Variants in ZCCHC8 observed in about 807,000 individuals in gnomAD.
The protein encoded by ZCCHC8 is zinc finger CCHC-type containing 8, also known as zinc finger CCHC domain-containing protein 8.
Under a neutral mutation model 70.6 loss-of-function variants are expected in ZCCHC8, and 27 were observed. That is an observed-to-expected ratio of 0.38 (90% CI 0.28 to 0.53). The LOEUF (loss-of-function observed/expected upper bound fraction) is 0.53. Ranked by LOEUF, ZCCHC8 falls within the 20% of genes least tolerant of loss-of-function variation. The probability of loss-of-function intolerance (pLI) is 0.81; values close to 1 mark genes in which losing one functional copy is unlikely to be tolerated. For synonymous variants in ZCCHC8, 293 were observed against 317.4 expected (o/e 0.92, Z 0.82); for missense variants, 737 against 876.9 (o/e 0.84, Z 2.01).
In ZCCHC8 at chr12:122,492,711, T is replaced by C. The variant is rs1566302280; in HGVS notation, c.317+4A>G. On this transcript the variant is annotated splice_donor_region_variant and intron_variant, in intron 3 of 13. Transcript: ENST00000633063. Reference sequence around the variant, plus strand: ...ATATTTAGGAAAGGGAAAAAATTACTTACTTTGAAATAGCATTGTTCATGA... The same window carrying C: ...ATATTTAGGAAAGGGAAAAAATTACCTACTTTGAAATAGCATTGTTCATGA... The C allele has an allele frequency of 1.3e-6, 2 of 1,515,184 alleles. No individual in the cohort carries two copies. Among genetic ancestry groups the C allele is most frequent in the Non-Finnish European group, 1.8e-6 (2 of 1,117,846 alleles). The allele number at this position is 1,515,184 out of a possible 1,614,324, so 93.9% of individuals were successfully genotyped here.
Position 122,483,518 on chromosome 12 carries a change from AT to A in ZCCHC8, c.546del (p.Lys182AsnfsTer7). 6.3e-7 allele frequency: 1 copy of A among 1,594,414 alleles called. No homozygotes were observed. Among genetic ancestry groups the A allele is most frequent in the South Asian group, 1.1e-5 (1 of 87,714 alleles). ...TTTTCATTTAGAAGCGGTTGCCCCA[AT>A]TTATCAAGGCAAAAATTAGTAAAAT... Reference protein sequence around the residue: ...VLYFTNFCLDKLGQPLLNENP... With the variant: ...VLYFTNFCLDXLGQPLLNENP... On this transcript the variant is annotated frameshift_variant, in exon 6 of 14. Coordinates refer to ENST00000633063, the MANE Select transcript of ZCCHC8 (RefSeq NM_017612.5). LOFTEE classifies it high-confidence loss of function. The surrounding 1 kb of genome is among the most constrained non-coding windows in gnomAD (Gnocchi z 4.4).
chr12:122,478,435 G>T, intron 11 of ZCCHC8, 143 bp from the exon 12 acceptor site: 1 of 636,032 alleles, frequency 1.6e-6, no homozygotes, highest in Non-Finnish European at 2.7e-6. Context: ...GGAAATTAAG[G>T]AAAATAATGT....
Position 122,492,791 on chromosome 12 carries a change from TA to T in ZCCHC8, c.243-3del. On this transcript the variant is annotated splice_region_variant and splice_polypyrimidine_tract_variant and intron_variant, in intron 2 of 13. Transcript: ENST00000633063. ...TTAGTATCGTTCACCAATATTCCAC[TA>T]AAACAGAAGTTAGAACATATTCTTA... The T allele has an allele frequency of 6.6e-7, 1 of 1,523,122 alleles. No individual in the cohort carries two copies. Among genetic ancestry groups the T allele is most frequent in the Non-Finnish European group, 8.9e-7 (1 of 1,119,986 alleles). The allele number at this position is 1,523,122 out of a possible 1,614,324, so 94.4% of individuals were successfully genotyped here. A position where few individuals can be genotyped will look rare whatever the true frequency, so the allele number is the denominator to read the frequency against.
At chr12:122,476,054 C>T (rs533168428) in intron 13 of ZCCHC8, among the ~76,000 whole-genome samples, 1 of 152,338 alleles carries the variant, frequency 6.6e-6, no homozygotes, top group African/African-American at 2.4e-5. Context: ...GCTGTTTTTC[C>T]TCTGTGCCAC....
Position 122,483,134 on chromosome 12 carries a change from T to C in ZCCHC8, c.671+145A>G, listed in dbSNP as rs1355989716. On this transcript the variant is annotated intron_variant, in intron 7 of 13. Coordinates refer to ENST00000633063, the MANE Select transcript of ZCCHC8 (RefSeq NM_017612.5). This position sits in a 1 kb window ranked among gnomAD's most constrained non-coding sequence, Gnocchi z 4.4. The stretch of plus-strand genomic sequence containing the variant: ...AGATGATTCATTTAAACATTTAACA[T>C]ATATGTATGGATTAAAATTCTAGCT... The C allele has an allele frequency of 1.4e-6, 1 of 740,136 alleles. No homozygotes were observed. The highest frequency in any genetic ancestry group is 2.2e-6 in the Non-Finnish European group (1 of 455,448). 45.8% of individuals were successfully genotyped at this position (740,136 alleles called of 1,614,324 possible). A position where few individuals can be genotyped will look rare whatever the true frequency, so the allele number is the denominator to read the frequency against.
At chr12:122,492,687 T>C (rs543824353) in intron 3 of ZCCHC8, 28 bp downstream of exon 3, 4 of 1,378,694 alleles carry the variant, frequency 2.9e-6, no homozygotes, top group African/African-American at 2.9e-5. Flanking sequence ...CACATTATTA[T>C]ATTTAGGAAA....
chr12:122,483,984 GA>G lies in ZCCHC8; in HGVS notation c.502-422del. 1 of 165,918 alleles carries G rather than the reference GA, an allele frequency of 6.0e-6. No individual in the cohort carries two copies. Among genetic ancestry groups the G allele is most frequent in the South Asian group, 1.6e-4 (1 of 6,300 alleles). The allele number at this position is 165,918 out of a possible 1,614,324, so 10.3% of individuals were successfully genotyped here. On this transcript the variant is annotated intron_variant, in intron 5 of 13. Coordinates refer to ENST00000633063, the MANE Select transcript of ZCCHC8 (RefSeq NM_017612.5). The surrounding 1 kb of genome is among the most constrained non-coding windows in gnomAD (Gnocchi z 4.4). ...GAAAAAATTCCATACAGACAAGTTG[GA>G]AAAGTGGTACAATGAATACCCAATG...
chr12:122,477,971 C>T lies in ZCCHC8; in HGVS notation c.1228-13G>A, dbSNP rs368650485. 36 of 1,581,094 alleles carry T rather than the reference C, an allele frequency of 2.3e-5. No homozygotes were observed. Among genetic ancestry groups the T allele is most frequent in the Non-Finnish European group, 3.0e-5 (34 of 1,150,258 alleles). On this transcript the variant is annotated splice_polypyrimidine_tract_variant and intron_variant, in intron 12 of 13. Transcript: ENST00000633063. The stretch of plus-strand genomic sequence containing the variant: ...ACTTCACACCTGGCTAAAAGAGCAA[C>T]CAGACCAAACACAAGTTAAGCGGGG...
At chr12:122,478,616 G>A (rs1041818076) in intron 11 of ZCCHC8, 4 of 243,904 alleles carry the variant, frequency 1.6e-5, no homozygotes, top group Non-Finnish European at 1.6e-5. Context: ...TCAAGCACTG[G>A]CACTGCTAAC....
chr12:122,472,924 C>A lies in ZCCHC8; in HGVS notation c.*573G>T, dbSNP rs1957342917. 1 of 152,310 alleles carries A rather than the reference C, an allele frequency of 6.6e-6. No individual in the cohort carries two copies. The highest frequency in any genetic ancestry group is 2.4e-5 in the African/African-American group (1 of 41,414). 9.4% of individuals were successfully genotyped at this position (152,310 alleles called of 1,614,324 possible). A position where few individuals can be genotyped will look rare whatever the true frequency, so the allele number is the denominator to read the frequency against. On this transcript the variant is annotated 3_prime_UTR_variant, in exon 14 of 14. Coordinates refer to ENST00000633063, the MANE Select transcript of ZCCHC8 (RefSeq NM_017612.5). ...ATATGAAAACTAATTTATTAAACCTCTGTACACAAAGATGAACATACCTGT... is the reference window on the plus strand; with the variant it reads ...ATATGAAAACTAATTTATTAAACCTATGTACACAAAGATGAACATACCTGT...
intron 3 of ZCCHC8, among the ~76,000 whole-genome samples, chr12:122,491,543 A>T (rs1359108459): frequency 1.3e-5 from 2 of 150,648 alleles, no homozygotes; most frequent in Non-Finnish European, 3.0e-5. Flanking sequence ...AAAAAAAAAA[A>T]AAAAGCCAGG....
At chr12:122,488,490 G>A (rs1223038115) in intron 5 of ZCCHC8, among the ~76,000 whole-genome samples, 1 of 151,706 alleles carries the variant, frequency 6.6e-6, no homozygotes, top group East Asian at 1.9e-4. Flanking sequence ...CTAAAATTGT[G>A]GTATACTAAT....
rs1406452010 is a variant in ZCCHC8, at chr12:122,473,081, T to C, written c.*416A>G. ...ATCCCTGATTTTTCTCATTTGGTTG[T>C]AGGAGTTGAAACATGAATTTAAAAT... On this transcript the variant is annotated 3_prime_UTR_variant, in exon 14 of 14. Coordinates refer to ENST00000633063, the MANE Select transcript of ZCCHC8 (RefSeq NM_017612.5). The C allele has an allele frequency of 6.3e-6, 1 of 159,260 alleles. No individual in the cohort carries two copies. The highest frequency in any genetic ancestry group is 2.4e-5 in the African/African-American group (1 of 41,574). 9.9% of individuals were successfully genotyped at this position (159,260 alleles called of 1,614,324 possible). A position where few individuals can be genotyped will look rare whatever the true frequency, so the allele number is the denominator to read the frequency against.
At chr12:122,478,888 C>T (rs1957475019) in intron 11 of ZCCHC8, among the ~76,000 whole-genome samples, 1 of 152,174 alleles carries the variant, frequency 6.6e-6, no homozygotes, top group Non-Finnish European at 1.5e-5. Context: ...TCCCAGGGGA[C>T]TCTGAAGTAG....
At chr12:122,497,141 G>A (rs954919537) in intron 2 of ZCCHC8, among the ~76,000 whole-genome samples, 3 of 151,432 alleles carry the variant, frequency 2.0e-5, no homozygotes, top group Admixed American at 2.0e-4. Flanking sequence ...GCGACAGAGC[G>A]AGACTCCATC....
At position 122,472,360 on chromosome 12, in the gene ZCCHC8, AC is replaced by A. The variant is rs1415600450; in HGVS notation, c.*1136del. 6.6e-6 allele frequency: 1 copy of A among 151,994 alleles called. No homozygotes were observed. The highest frequency in any genetic ancestry group is 2.4e-5 in the African/African-American group (1 of 41,408). 9.4% of individuals were successfully genotyped at this position (151,994 alleles called of 1,614,324 possible). On this transcript the variant is annotated 3_prime_UTR_variant, in exon 14 of 14. Transcript: ENST00000633063. ...GTAGCTGGGATTACAGGCATGTACCACCACACCTGGCTAATTTTTGTATTTA... is the reference window on the plus strand; with the variant it reads ...GTAGCTGGGATTACAGGCATGTACCACACACCTGGCTAATTTTTGTATTTA...
chr12:122,485,776 T>G (rs1957623958), intron 5 of ZCCHC8, among the ~76,000 whole-genome samples: 1 of 151,956 alleles, frequency 6.6e-6, no homozygotes. Context: ...GTTCATGCCA[T>G]TCTCCCGCCT....
intron 5 of ZCCHC8, among the ~76,000 whole-genome samples, chr12:122,485,080 T>C (rs1047407095): frequency 8.5e-5 from 13 of 152,214 alleles, no homozygotes; most frequent in African/African-American, 3.1e-4. Flanking sequence ...TAGTATAATA[T>C]GTATGCTTAC....
chr12:122,481,958 G>A lies in ZCCHC8; in HGVS notation c.862C>T (p.Pro288Ser). The change falls in exon 9 of 14, where the codon CCA (proline) becomes TCA (serine). Residue 288 changes from proline (P) to serine (S), a missense_variant. By Grantham distance (74) the Pro-to-Ser change is moderately conservative. Transcript: ENST00000633063. ...EVEERFGRFK[P>S]GVISEELQDA... ...TGCCATTAGTACCTAATAACTCCTGGCTTGAATCTTCCAAATCTTTCTTCT... is the reference window on the plus strand; with the variant it reads ...TGCCATTAGTACCTAATAACTCCTGACTTGAATCTTCCAAATCTTTCTTCT... The A allele has an allele frequency of 1.2e-6, 2 of 1,612,580 alleles. No individual in the cohort carries two copies. Among genetic ancestry groups the A allele is most frequent in the Non-Finnish European group, 1.7e-6 (2 of 1,179,408 alleles).
Sources: allele counts gnomAD v4.1 joint callset (sites outside exome capture counted in the v4.1 genomes callset), GRCh38; gene constraint gnomAD v4.1.1; non-coding constraint Gnocchi (gnomAD v3.1); transcripts MANE v1.5; gene names NCBI Gene and HGNC (gene_info 2026-07-23, HGNC 2026-07-21).